FA2H: variants seen among roughly 807,000 people sequenced by gnomAD.
FA2H encodes the protein fatty acid alpha-hydroxylase.
Under a neutral mutation model 44.9 loss-of-function variants are expected in FA2H, and 22 were observed. The ratio of observed to expected loss-of-function variants is 0.49; its 90% CI spans 0.35 to 0.70. FA2H has a LOEUF of 0.70. Among genes scored for constraint, FA2H ranks in the 30% least tolerant of loss-of-function variants. The probability of loss-of-function intolerance (pLI) is 0.01; values close to 1 mark genes in which losing one functional copy is unlikely to be tolerated. For missense variants in FA2H, 501 were observed against 504.9 expected, an observed-to-expected ratio of 0.99 and a Z score of 0.07; for synonymous variants, 243 against 213.2, an observed-to-expected ratio of 1.14 and a Z score of -1.22.
rs770149919 is a variant in FA2H at position 74,719,120 on chromosome 16, G to C, written c.654C>G (p.Leu218=). 1 of 1,613,912 alleles carries C rather than the reference G, an allele frequency of 6.2e-7. No individual in the cohort carries two copies. The highest frequency in any genetic ancestry group is 2.2e-5 in the East Asian group (1 of 44,878). The part of the protein sequence containing the change: ...VAVPKSMFPG[L]FMLGTFLWSL... Reference sequence around the variant, plus strand: ...TCCAGAGGAATGTCCCCAGCATGAAGAGCCCGGGGAACATGGACTTGGGCA... The same window carrying C: ...TCCAGAGGAATGTCCCCAGCATGAACAGCCCGGGGAACATGGACTTGGGCA... The change falls in exon 5 of 7, where the codon CTC becomes CTG. Residue 218 remains leucine (L), a synonymous_variant. Transcript: ENST00000219368.
intron 1 of FA2H, among the ~76,000 whole-genome samples, chr16:74,770,639 G>T (rs377601386): frequency 3.3e-5 from 5 of 152,304 alleles, no homozygotes; most frequent in African/African-American, 1.2e-4. Context: ...CCAAAGTGCT[G>T]GAATTATAAG....
rs1328950697 is a variant in FA2H, at chr16:74,774,816, C to A, written c.-61G>T. 3 of 1,244,428 alleles carry A rather than the reference C, an allele frequency of 2.4e-6. No homozygotes were observed. Among genetic ancestry groups the A allele is most frequent in the Non-Finnish European group, 3.0e-6 (3 of 996,294 alleles). 77.1% of individuals were successfully genotyped at this position (1,244,428 alleles called of 1,614,324 possible). A position where few individuals can be genotyped will look rare whatever the true frequency, so the allele number is the denominator to read the frequency against. On this transcript the variant is annotated 5_prime_UTR_variant, in exon 1 of 7. Transcript: ENST00000219368. ...GTCTGCTCTGCTGCCACCCTGAGCG[C>A]CTCTAACATCCCGGGAGCCCCGCGG... is the stretch of plus-strand genomic sequence containing the variant.
At chr16:74,745,012 G>A (rs74357553) in intron 1 of FA2H, among the ~76,000 whole-genome samples, 2,783 of 152,190 alleles carry the variant, frequency 0.018, 76 homozygotes, top group East Asian at 0.15. Flanking sequence ...CTTGACAGGG[G>A]GTGTCCAACC....
At chr16:74,720,580 A>C (rs1961813827) in intron 4 of FA2H, among the ~76,000 whole-genome samples, 1 of 152,060 alleles carries the variant, frequency 6.6e-6, no homozygotes, top group South Asian at 2.1e-4. Context: ...GCTTTATCTA[A>C]ATCTAATTCA....
Position 74,714,053 on chromosome 16 carries a change from CT to C in FA2H, c.*136del. On this transcript the variant is annotated 3_prime_UTR_variant, in exon 7 of 7. Coordinates refer to ENST00000219368, the MANE Select transcript of FA2H (RefSeq NM_024306.5). ...TCCTGCCTCAGGGCCCCCTCAGCAC[CT>C]TCCACTAGGCTGCAGGGCCGGACAC... 1 of 651,724 alleles carries C rather than the reference CT, an allele frequency of 1.5e-6. No homozygotes were observed. Among genetic ancestry groups the C allele is most frequent in the South Asian group, 1.8e-5 (1 of 57,132 alleles). 40.4% of individuals were successfully genotyped at this position (651,724 alleles called of 1,614,324 possible). A position where few individuals can be genotyped will look rare whatever the true frequency, so the allele number is the denominator to read the frequency against.
intron 1 of FA2H, among the ~76,000 whole-genome samples, chr16:74,761,452 C>CA (rs912177539): frequency 3.1e-5 from 3 of 98,304 alleles, no homozygotes; most frequent in East Asian, 7.4e-4. Flanking sequence ...GACTCTGTCT[C>CA]AAAAAAAAAG....
Position 74,745,486 on chromosome 16 carries a change from G to A in FA2H, c.271-5371C>T, listed in dbSNP as rs531242788. On this transcript the variant is annotated intron_variant, in intron 1 of 6. Coordinates refer to ENST00000219368, the MANE Select transcript of FA2H (RefSeq NM_024306.5). ...AGGAAAAGAGCCTTCCATAGCCCAC[G>A]TCTACTTGGAGAGAAAAGGATGGGC... Among the ~76,000 whole-genome samples, 172 of 152,348 alleles carry A rather than the reference G, an allele frequency of 1.1e-3. 1 individual carries two copies. Among genetic ancestry groups the A allele is most frequent in the African/African-American group, 4.0e-3 (166 of 41,584 alleles).
chr16:74,772,737 C>T (rs547567829), intron 1 of FA2H, among the ~76,000 whole-genome samples: 1 of 152,280 alleles, frequency 6.6e-6, no homozygotes, highest in South Asian at 2.1e-4. Context: ...GTTTCAGTAA[C>T]CCACGGTCAA....
At chr16:74,741,829 T>TGTGTGTGTGC (rs1962313618) in intron 1 of FA2H, among the ~76,000 whole-genome samples, 3 of 90,268 alleles carry the variant, frequency 3.3e-5, no homozygotes, top group Non-Finnish European at 7.2e-5. Context: ...TGTGTGTGTG[T>TGTGTGTGTGC]GTGTGTGTAT....
intron 1 of FA2H, among the ~76,000 whole-genome samples, chr16:74,753,112 A>C (rs750037746): frequency 6.6e-6 from 1 of 152,200 alleles, no homozygotes; most frequent in Admixed American, 6.5e-5. Context: ...GTCCTGTTCC[A>C]CAGCTCTCAT....
At chr16:74,772,741 C>A (rs897469098) in intron 1 of FA2H, among the ~76,000 whole-genome samples, 1 of 152,156 alleles carries the variant, frequency 6.6e-6, no homozygotes, top group South Asian at 2.1e-4. Context: ...CAGTAACCCA[C>A]GGTCAACCTG....
At chr16:74,741,342 G>A (rs1390844359) in intron 1 of FA2H, 2 of 152,244 alleles carry the variant, frequency 1.3e-5, no homozygotes, top group Admixed American at 1.3e-4. Context: ...GAACCTGATG[G>A]TGACAGTGAC....
chr16:74,752,507 G>A (rs1437408322), intron 1 of FA2H, among the ~76,000 whole-genome samples: 1 of 152,056 alleles, frequency 6.6e-6, no homozygotes, highest in African/African-American at 2.4e-5. Context: ...TGTTCCCTCT[G>A]CCTGGAATGT....
intron 1 of FA2H, among the ~76,000 whole-genome samples, chr16:74,761,189 T>C (rs944412953): frequency 3.3e-5 from 5 of 152,280 alleles, no homozygotes; most frequent in Admixed American, 1.3e-4. Flanking sequence ...CGGTGGTTCA[T>C]GCCTGTAATC....
intron 1 of FA2H, among the ~76,000 whole-genome samples, chr16:74,743,451 G>A (rs1390544081): frequency 1.3e-5 from 2 of 152,228 alleles, no homozygotes; most frequent in Non-Finnish European, 2.9e-5. Flanking sequence ...CCTGCTCTGT[G>A]GATTTCTGTC....
intron 2 of FA2H, among the ~76,000 whole-genome samples, chr16:74,739,372 G>T (rs557235541): frequency 1.1e-3 from 168 of 152,196 alleles, no homozygotes; most frequent in South Asian, 1.0e-2. Flanking sequence ...ACCCCCTCCA[G>T]TGACCCCTCC....
intron 6 of FA2H, among the ~76,000 whole-genome samples, chr16:74,715,334 C>T (rs1961668565): frequency 6.6e-6 from 1 of 152,078 alleles, no homozygotes; most frequent in Non-Finnish European, 1.5e-5. Context: ...CTCTGTCACC[C>T]AGGCTGGGGT....
At chr16:74,715,089 C>T (rs958300782) in intron 6 of FA2H, among the ~76,000 whole-genome samples, 3 of 151,958 alleles carry the variant, frequency 2.0e-5, no homozygotes, top group Non-Finnish European at 2.9e-5. Context: ...CTGCCCGTCT[C>T]GGCCTCCTCA....
intron 2 of FA2H, among the ~76,000 whole-genome samples, chr16:74,738,353 G>A (rs558536588): frequency 1.2e-4 from 18 of 152,232 alleles, no homozygotes; most frequent in African/African-American, 1.9e-4. Flanking sequence ...CATAGGTGAC[G>A]GTGGCACAGC....
Sources: gnomAD v4.1 joint callset for allele counts (sites outside exome capture counted in the v4.1 genomes callset) on GRCh38, gnomAD v4.1.1 for gene constraint, MANE v1.5 for transcripts, NCBI Gene and HGNC (gene_info 2026-07-23, HGNC 2026-07-21) for gene names.